The following CELF2 variants were observed in gnomAD, a reference collection of about 807,000 sequenced individuals.
CELF2 encodes the protein CUGBP Elav-like family member 2.
CELF2 carries 8 observed loss-of-function variants against 62.6 expected under a neutral mutation model. The observed-to-expected ratio is 0.13, with a 90% CI of 0.07 to 0.23. The LOEUF (loss-of-function observed/expected upper bound fraction) is 0.23, where lower values mean the gene tolerates loss of function less well. Among genes scored for constraint, CELF2 ranks in the 10% least tolerant of loss-of-function variants. The pLI, the probability that CELF2 is intolerant of heterozygous loss-of-function variation, is 1.00. For synonymous variants in CELF2, 258 were observed against 250.0 expected (o/e 1.03, Z -0.30); for missense variants, 333 against 671.0 (o/e 0.50, Z 5.56).
At position 10,958,163 on chromosome 10, in the gene CELF2, T is replaced by C. The variant is rs373781068; in HGVS notation, c.89+38164T>C. Among the ~76,000 whole-genome samples, 46 of 152,254 alleles carry C rather than the reference T, an allele frequency of 3.0e-4. No individual in the cohort carries two copies. The East Asian group carries it at 7.7e-3, about 26-fold the overall frequency. On this transcript the variant is annotated intron_variant, in intron 2 of 13. Transcript: ENST00000636488. ...GGTGGATAAAGGGAATTTGACAAGTTTCAACAAGAAAGAAAAACTTGCTCA... is the reference window on the plus strand; with the variant it reads ...GGTGGATAAAGGGAATTTGACAAGTCTCAACAAGAAAGAAAAACTTGCTCA...
chr10:11,122,011 A>T (rs577511986), intron 1 of CELF2, among the ~76,000 whole-genome samples: 1 of 152,232 alleles, frequency 6.6e-6, no homozygotes, highest in Non-Finnish European at 1.5e-5. Flanking sequence ...TTATGAGTTC[A>T]TCTTAAAGAA....
intron 1 of CELF2, among the ~76,000 whole-genome samples, chr10:11,021,286 T>C (rs1303582805): frequency 6.6e-6 from 1 of 152,206 alleles, no homozygotes; most frequent in African/African-American, 2.4e-5. Context: ...AAATTTTTTT[T>C]ACATTTGGTA....
the CELF2 span, among the ~76,000 whole-genome samples, chr10:10,564,694 A>G: frequency 1.1e-3 from 171 of 150,672 alleles, no homozygotes; most frequent in African/African-American, 3.9e-3. Flanking sequence ...ACACACACAC[A>G]CACACACACA....
Position 10,981,333 on chromosome 10 carries a change from A to C in CELF2, c.89+61334A>C, listed in dbSNP as rs555241124. On this transcript the variant is annotated intron_variant, in intron 2 of 13. Coordinates refer to the CELF2 transcript ENST00000636488. The stretch of plus-strand genomic sequence containing the variant: ...TGTCAAAACATTTATTGGCTTTACC[A>C]CACACTTAGTGAGACCCTATTGATG... Among the ~76,000 whole-genome samples, 12 of 152,346 alleles carry C rather than the reference A, an allele frequency of 7.9e-5. 1 individual carries two copies. In the South Asian group the frequency reaches 2.5e-3, roughly 32 times the overall value.
At chr10:10,902,180 G>A (rs1325967425) in intron 1 of CELF2, among the ~76,000 whole-genome samples, 7 of 152,056 alleles carry the variant, frequency 4.6e-5, no homozygotes, top group Non-Finnish European at 8.8e-5. Flanking sequence ...CAGTTTGGCC[G>A]TTTCTTAAAA....
chr10:10,520,374 G>T, the CELF2 span, among the ~76,000 whole-genome samples: 2 of 152,172 alleles, frequency 1.3e-5, no homozygotes, highest in South Asian at 4.1e-4. Context: ...AGCCTCCAGG[G>T]TTAGGGGTAG....
At chr10:10,754,511 A>G in the CELF2 span, among the ~76,000 whole-genome samples, 1 of 152,306 alleles carries the variant, frequency 6.6e-6, no homozygotes, top group African/African-American at 2.4e-5. Flanking sequence ...GACAGCTTCA[A>G]ATGATGACTA....
chr10:11,184,399 G>T (rs1200942674), intron 2 of CELF2, among the ~76,000 whole-genome samples: 1 of 152,038 alleles, frequency 6.6e-6, no homozygotes, highest in East Asian at 1.9e-4. Context: ...GTATCTCCTC[G>T]TAAATTTTAG....
intron 2 of CELF2, among the ~76,000 whole-genome samples, chr10:11,167,801 C>A (rs140694858): frequency 5.3e-5 from 8 of 152,330 alleles, no homozygotes; most frequent in Non-Finnish European, 1.5e-5. Context: ...GTGTCAGGAG[C>A]TTTACATGTG....
intron 11 of CELF2, 35 bp from the exon 12 acceptor site, chr10:11,325,801 G>A (rs2095694428): frequency 6.3e-7 from 1 of 1,579,652 alleles, no homozygotes; most frequent in Non-Finnish European, 8.6e-7. Context: ...AAGACTCAAG[G>A]GATACCTTAC....
At chr10:10,738,373 G>A in the CELF2 span, among the ~76,000 whole-genome samples, 1 of 152,112 alleles carries the variant, frequency 6.6e-6, no homozygotes, top group Non-Finnish European at 1.5e-5. Context: ...CAAAGAATAT[G>A]GTATGAACAA....
At chr10:10,746,141 G>C in the CELF2 span, among the ~76,000 whole-genome samples, 1 of 152,134 alleles carries the variant, frequency 6.6e-6, no homozygotes, top group African/African-American at 2.4e-5. Context: ...TCACCTCCTT[G>C]CTTTTCACAG....
intron 1 of CELF2, among the ~76,000 whole-genome samples, chr10:11,106,531 C>T (rs1022824043): frequency 1.3e-5 from 2 of 152,224 alleles, no homozygotes; most frequent in African/African-American, 2.4e-5. Flanking sequence ...GCCACTGCGC[C>T]CAGCCCATCT....
At chr10:10,926,696 A>G (rs2065501368) in intron 2 of CELF2, among the ~76,000 whole-genome samples, 1 of 151,990 alleles carries the variant, frequency 6.6e-6, no homozygotes, top group Admixed American at 6.5e-5. Flanking sequence ...TCCCTTAGGG[A>G]GGGGACATTG....
chr10:10,963,284 A>T (rs1163323300), intron 2 of CELF2, among the ~76,000 whole-genome samples: 1 of 152,004 alleles, frequency 6.6e-6, no homozygotes, highest in African/African-American at 2.4e-5. Flanking sequence ...TGAACTCCTG[A>T]CCTCAAGTGA....
Position 11,328,994 on chromosome 10 carries a change from G to T in CELF2, c.1507G>T (p.Gly503Cys). 6.2e-7 allele frequency: 1 copy of T among 1,613,768 alleles called. No homozygotes were observed. Among genetic ancestry groups the T allele is most frequent in the Non-Finnish European group, 8.5e-7 (1 of 1,179,764 alleles). The change falls in exon 13 of 13, where the codon GGC becomes TGC. Residue 503 changes from glycine (G) to cysteine (C), a missense_variant. Gly to Cys is a radical substitution (Grantham distance 159). Coordinates refer to ENST00000633077, the MANE Select transcript of CELF2 (RefSeq NM_001326342.2). The surrounding 1 kb of genome is among the most constrained non-coding windows in gnomAD (Gnocchi z 6.4). ...CCAAGCTATGAATGGCTTTCAGATC[G>T]GCATGAAACGCTTGAAGGTGCAGCT... Reference protein sequence around the residue: ...AIQAMNGFQIGMKRLKVQLKR... With the variant: ...AIQAMNGFQICMKRLKVQLKR...
At chr10:10,588,017 A>T in the CELF2 span, among the ~76,000 whole-genome samples, 1 of 149,140 alleles carries the variant, frequency 6.7e-6, no homozygotes, top group African/African-American at 2.5e-5. Flanking sequence ...TAAAGATGTA[A>T]TTTTTTTTTT....
intron 2 of CELF2, among the ~76,000 whole-genome samples, chr10:10,984,597 C>A (rs192349374): frequency 2.0e-5 from 3 of 152,232 alleles, no homozygotes; most frequent in Non-Finnish European, 2.9e-5. Context: ...TGTACTCAAG[C>A]GGTCTTCAGG....
chr10:11,250,413 C>G (rs1275268111), intron 4 of CELF2, among the ~76,000 whole-genome samples: 5 of 152,224 alleles, frequency 3.3e-5, no homozygotes, highest in African/African-American at 7.2e-5. Flanking sequence ...TCTCCTCAGC[C>G]CTGCACTTTA....
Sources: allele counts gnomAD v4.1 joint callset (sites outside exome capture counted in the v4.1 genomes callset), GRCh38; gene constraint gnomAD v4.1.1; non-coding constraint Gnocchi (gnomAD v3.1); transcripts MANE v1.5; gene names NCBI Gene and HGNC (gene_info 2026-07-23, HGNC 2026-07-21).